The following NACAD variants were observed in gnomAD, a reference collection of about 807,000 sequenced individuals.
NACAD encodes NAC-alpha domain-containing protein 1.
In NACAD, 47 loss-of-function variants were observed where a neutral mutation model predicts 98.9. The observed-to-expected ratio is 0.48, with a 90% CI of 0.38 to 0.61. The LOEUF (loss-of-function observed/expected upper bound fraction) is 0.61. Ranked by LOEUF, NACAD falls within the 20% of genes least tolerant of loss-of-function variation. The probability of loss-of-function intolerance (pLI) is 0.00; values close to 1 mark genes in which losing one functional copy is unlikely to be tolerated. For synonymous variants in NACAD, 696 were observed against 767.2 expected (o/e 0.91, Z 1.53); for missense variants, 1,412 against 1,748.2 (o/e 0.81, Z 3.43).
Position 45,082,378 on chromosome 7 carries a change from G to A in NACAD, c.3802C>T (p.Leu1268=). 6.5e-7 allele frequency: 1 copy of A among 1,550,096 alleles called. No homozygotes were observed. Among genetic ancestry groups the A allele is most frequent in the South Asian group, 1.2e-5 (1 of 84,030 alleles). ...SVEDEEPPGS[L]GLPPPQAGVQ... is the part of the protein sequence containing the mutation. The stretch of plus-strand genomic sequence containing the variant: ...CCTGCCTGGGGCGGTGGGAGGCCCA[G>A]AGAGCCTGGGGGCTCCTCGTCTTCC... The change falls in exon 2 of 8, where the codon CTG becomes TTG. Residue 1268 remains leucine, a synonymous_variant. Transcript: ENST00000490531. This position sits in a 1 kb window ranked among gnomAD's most constrained non-coding sequence, Gnocchi z 4.5.
At chr7:45,080,824 A>G in intron 6 of NACAD, 52 bp downstream of exon 6, 1 of 1,549,118 alleles carries the variant, frequency 6.5e-7, no homozygotes, top group South Asian at 1.2e-5. Context: ...CAGAGCCCCC[A>G]TGTAGCGCCT....
rs775145169 is a variant in NACAD at position 45,083,010 on chromosome 7, C to T, written c.3170G>A (p.Arg1057Gln). The change falls in exon 2 of 8, where the codon CGA (arginine) becomes CAA (glutamine). Residue 1057 changes from arginine to glutamine, a missense_variant. Arg to Gln is a conservative substitution (Grantham distance 43). Around this residue, in one of 5 missense-constraint regions of NACAD, gnomAD observed 572 missense variants for 639.6 expected, o/e 0.89. Transcript: ENST00000490531. ...RPGREACLEA[R>Q]AHTGDGAKPD... Reference sequence around the variant, plus strand: ...CTTAGCCCCATCACCTGTGTGCGCTCGCGCTTCCAGACATGCTTCCCGTCC... The same window carrying T: ...CTTAGCCCCATCACCTGTGTGCGCTTGCGCTTCCAGACATGCTTCCCGTCC... 1.9e-5 allele frequency: 30 copies of T among 1,550,938 alleles called. No homozygotes were observed. Among genetic ancestry groups the T allele is most frequent in the Middle Eastern group, 1.7e-4 (1 of 5,992 alleles).
At position 45,081,097 on chromosome 7, in the gene NACAD, A is replaced by G; in HGVS notation, c.4404+20T>C. ...CCCTATCCCTCGGATCCCCCATTCC[A>G]CCACAGCCGCCACCCAGACCTTGGC... is the stretch of plus-strand genomic sequence containing the variant. On this transcript the variant is annotated intron_variant, in intron 5 of 7. Coordinates refer to ENST00000490531, the MANE Select transcript of NACAD (RefSeq NM_001146334.2). 2 of 1,550,696 alleles carry G rather than the reference A, an allele frequency of 1.3e-6. No individual in the cohort carries two copies. The highest frequency in any genetic ancestry group is 2.7e-5 in the African/African-American group (2 of 72,984).
rs968968046 is a variant in NACAD, at chr7:45,085,124, A to G, written c.1056T>C (p.Gly352=). 1.3e-6 allele frequency: 2 copies of G among 1,549,458 alleles called. No homozygotes were observed. Among genetic ancestry groups the G allele is most frequent in the African/African-American group, 1.4e-5 (1 of 72,726 alleles). Residue 352 remains glycine (G), a synonymous_variant, in exon 2 of 8, where the codon GGT becomes GGC. Coordinates refer to ENST00000490531, the MANE Select transcript of NACAD (RefSeq NM_001146334.2). This position sits in a 1 kb window ranked among gnomAD's most constrained non-coding sequence, Gnocchi z 6.1. ...AGGAGGCAGACGTGCTGTCCTCCTC[A>G]CCCTCCCCAGCCAGGTCCCCACCTG... ...PDPGGDLAGE[G]EEDSTSASFL...
At position 45,082,511 on chromosome 7, in the gene NACAD, C is replaced by T; in HGVS notation, c.3669G>A (p.Arg1223=). 1 of 1,549,670 alleles carries T rather than the reference C, an allele frequency of 6.5e-7. No individual in the cohort carries two copies. Among genetic ancestry groups the T allele is most frequent in the South Asian group, 1.2e-5 (1 of 84,018 alleles). The change falls in exon 2 of 8, where the codon AGG becomes AGA. Residue 1223 remains arginine (R), a synonymous_variant. Coordinates refer to ENST00000490531, the MANE Select transcript of NACAD (RefSeq NM_001146334.2). This position sits in a 1 kb window ranked among gnomAD's most constrained non-coding sequence, Gnocchi z 4.5. ...AKGQPSTPVD[R]PLGPDPSAPG... The stretch of plus-strand genomic sequence containing the variant: ...GAGCAGAAGGGTCAGGGCCCAGGGG[C>T]CTGTCCACGGGCGTGCTGGGCTGAC...
chr7:45,085,674 T>G lies in NACAD; in HGVS notation c.506A>C (p.Asp169Ala), dbSNP rs572905761. 2.8e-4 allele frequency: 431 copies of G among 1,547,418 alleles called. 9 individuals carry two copies. In the South Asian group the frequency reaches 4.6e-3, roughly 17 times the overall value. Residue 169 changes from aspartate (D) to alanine (A), a missense_variant, in exon 2 of 8, where the codon GAC becomes GCC. Coordinates refer to ENST00000490531, the MANE Select transcript of NACAD (RefSeq NM_001146334.2). This position sits in a 1 kb window ranked among gnomAD's most constrained non-coding sequence, Gnocchi z 6.1. The stretch of plus-strand genomic sequence containing the variant: ...GGGAGGCGTGAAGAAGGAATCAGGG[T>G]CTGGGGGAGGGGAAGGCACAGAAAG... Reference protein sequence around the residue: ...GDLSVPSPPPDPDSFFTPPST... With the variant: ...GDLSVPSPPPAPDSFFTPPST...
chr7:45,082,630 G>C lies in NACAD; in HGVS notation c.3550C>G (p.Pro1184Ala). ...TCAACACTGCCCAGACCCAGTACAGGCTCCGGCTGCTGGGAGGTTGGTGCA... is the reference window on the plus strand; with the variant it reads ...TCAACACTGCCCAGACCCAGTACAGCCTCCGGCTGCTGGGAGGTTGGTGCA... Reference protein sequence around the residue: ...TSAPTSQQPEPVLGLGSVEQP... With the variant: ...TSAPTSQQPEAVLGLGSVEQP... The change falls in exon 2 of 8, where the codon CCT becomes GCT. Residue 1184 changes from proline to alanine, a missense_variant. By Grantham distance (27) the Pro-to-Ala change is conservative (BLOSUM62 -1). This residue lies in a region of NACAD where 572 missense variants were observed against 639.6 expected (regional missense o/e 0.89). Coordinates refer to ENST00000490531, the MANE Select transcript of NACAD (RefSeq NM_001146334.2). The surrounding 1 kb of genome is among the most constrained non-coding windows in gnomAD (Gnocchi z 4.5). The C allele has an allele frequency of 2.0e-6, 3 of 1,515,612 alleles. No individual in the cohort carries two copies. Among genetic ancestry groups the C allele is most frequent in the Non-Finnish European group, 2.7e-6 (3 of 1,128,080 alleles). 93.9% of individuals were successfully genotyped at this position (1,515,612 alleles called of 1,614,324 possible). A position where few individuals can be genotyped will look rare whatever the true frequency, so the allele number is the denominator to read the frequency against.
In NACAD at chr7:45,088,104, C is replaced by T. The variant is rs1292199656; in HGVS notation, c.67+724G>A. Among the ~76,000 whole-genome samples the T allele has an allele frequency of 6.6e-6, 1 of 152,154 alleles. No individual in the cohort carries two copies. The highest frequency in any genetic ancestry group is 2.4e-5 in the African/African-American group (1 of 41,434). On this transcript the variant is annotated intron_variant, in intron 1 of 7. Transcript: ENST00000490531. This position sits in a 1 kb window ranked among gnomAD's most constrained non-coding sequence, Gnocchi z 5.7. Reference sequence around the variant, plus strand: ...GTGACTTCTTGCCCACAGCAAGGTGCCCTTGGCCCTACCCACACATGGCTG... The same window carrying T: ...GTGACTTCTTGCCCACAGCAAGGTGTCCTTGGCCCTACCCACACATGGCTG...
Position 45,081,106 on chromosome 7 carries a change from G to A in NACAD, c.4404+11C>T, listed in dbSNP as rs139255715. 7 of 1,551,166 alleles carry A rather than the reference G, an allele frequency of 4.5e-6. No individual in the cohort carries two copies. The highest frequency in any genetic ancestry group is 2.7e-5 in the African/African-American group (2 of 73,126). ...TCGGATCCCCCATTCCACCACAGCC[G>A]CCACCCAGACCTTGGCCTCGCCAAA... On this transcript the variant is annotated intron_variant, in intron 5 of 7. Coordinates refer to ENST00000490531, the MANE Select transcript of NACAD (RefSeq NM_001146334.2).
At position 45,085,358 on chromosome 7, in the gene NACAD, C is replaced by G; in HGVS notation, c.822G>C (p.Pro274=). Residue 274 remains proline (P), a synonymous_variant, in exon 2 of 8, where the codon CCG becomes CCC. Coordinates refer to ENST00000490531, the MANE Select transcript of NACAD (RefSeq NM_001146334.2). This position sits in a 1 kb window ranked among gnomAD's most constrained non-coding sequence, Gnocchi z 6.1. ...CTGCAGAGAGGCTGGACTCAGAGGA[C>G]GGGGGCTCTGGGGTCCCTGCTGGGT... ...ELHPAGTPEP[P]SSESSLSADS... 1 of 1,550,158 alleles carries G rather than the reference C, an allele frequency of 6.5e-7. No individual in the cohort carries two copies. Among genetic ancestry groups the G allele is most frequent in the African/African-American group, 1.4e-5 (1 of 73,170 alleles).
chr7:45,081,477 C>T lies in NACAD; in HGVS notation c.4257+124G>A. The T allele has an allele frequency of 2.3e-6, 3 of 1,326,604 alleles. No homozygotes were observed. The South Asian group carries it at 4.1e-5, about 18-fold the overall frequency. 82.2% of individuals were successfully genotyped at this position (1,326,604 alleles called of 1,614,324 possible). A position where few individuals can be genotyped will look rare whatever the true frequency, so the allele number is the denominator to read the frequency against. Reference sequence around the variant, plus strand: ...TAGGGGAAGGTGTGTGGGTTACTGGCATGGACCCAAAGGTCCCCTGATGGA... The same window carrying T: ...TAGGGGAAGGTGTGTGGGTTACTGGTATGGACCCAAAGGTCCCCTGATGGA... On this transcript the variant is annotated intron_variant, in intron 4 of 7. Transcript: ENST00000490531.
rs745844649 is a variant in NACAD at position 45,084,593 on chromosome 7, C to G, written c.1587G>C (p.Gln529His). The G allele has an allele frequency of 7.7e-6, 12 of 1,551,804 alleles. No homozygotes were observed. In the South Asian group the frequency reaches 1.2e-4, roughly 15 times the overall value. The change falls in exon 2 of 8, where the codon CAG (glutamine) becomes CAC (histidine). Residue 529 changes from glutamine (Q) to histidine (H), a missense_variant. By Grantham distance (24) the Gln-to-His change is conservative (BLOSUM62 0). Around this residue, in one of 5 missense-constraint regions of NACAD, gnomAD observed 638 missense variants for 722.7 expected, o/e 0.88. Transcript: ENST00000490531. The stretch of plus-strand genomic sequence containing the variant: ...GGCCTAAGATCTCGCTGATGCCCTC[C>G]TGGGAGGGCTGAGGCATTGCCATGG... ...SAAMAMPQPS[Q>H]EGISEILGQE...
In NACAD at chr7:45,080,883, T is replaced by C; in HGVS notation, c.4544A>G (p.Glu1515Gly). The C allele has an allele frequency of 6.4e-7, 1 of 1,557,156 alleles. No homozygotes were observed. The highest frequency in any genetic ancestry group is 1.2e-5 in the South Asian group (1 of 84,540). Residue 1515 changes from glutamate (E) to glycine (G), a missense_variant, in exon 6 of 8, where the codon GAG (glutamate) becomes GGG (glycine). By Grantham distance (98) the Glu-to-Gly change is moderately conservative. This residue lies in a region of NACAD where 88 missense variants were observed against 105.4 expected (regional missense o/e 0.84). Coordinates refer to ENST00000490531, the MANE Select transcript of NACAD (RefSeq NM_001146334.2). ...GGAGCCCCTGCACTTCACCTCTTCCTCCTCCTCCTCTTCCTCTTCCTTGCA... is the reference window on the plus strand; with the variant it reads ...GGAGCCCCTGCACTTCACCTCTTCCCCCTCCTCCTCTTCCTCTTCCTTGCA... ...LECKEEEEEEEEEVDEAGLEL... is the reference protein window; with the variant it reads ...LECKEEEEEEGEEVDEAGLEL...
Position 45,088,705 on chromosome 7 carries a change from G to C in NACAD, c.67+123C>G. 1 of 719,002 alleles carries C rather than the reference G, an allele frequency of 1.4e-6. No individual in the cohort carries two copies. Among genetic ancestry groups the C allele is most frequent in the East Asian group, 3.4e-5 (1 of 29,144 alleles). 44.5% of individuals were successfully genotyped at this position (719,002 alleles called of 1,614,324 possible). A position where few individuals can be genotyped will look rare whatever the true frequency, so the allele number is the denominator to read the frequency against. On this transcript the variant is annotated intron_variant, in intron 1 of 7. Coordinates refer to ENST00000490531, the MANE Select transcript of NACAD (RefSeq NM_001146334.2). This position sits in a 1 kb window ranked among gnomAD's most constrained non-coding sequence, Gnocchi z 5.7. ...TGGAGGGAAGGACAGGGCGCGGAAA[G>C]GGGAGGGGACTCGAGGGGGGCCAGG...
In NACAD at chr7:45,085,841, G is replaced by A. The variant is rs2128641408; in HGVS notation, c.339C>T (p.Ala113=). ...QALSTEAPLP[A]TLEPRIVMGE... ...CCATCACAATCCGGGGCTCCAGGGTGGCCGGGAGAGGAGCCTCCGTGGACA... is the reference window on the plus strand; with the variant it reads ...CCATCACAATCCGGGGCTCCAGGGTAGCCGGGAGAGGAGCCTCCGTGGACA... The change falls in exon 2 of 8, where the codon GCC becomes GCT. Residue 113 remains alanine (A), a synonymous_variant. Transcript: ENST00000490531. The surrounding 1 kb of genome is among the most constrained non-coding windows in gnomAD (Gnocchi z 6.1). 1.3e-6 allele frequency: 2 copies of A among 1,542,456 alleles called. No homozygotes were observed. Among genetic ancestry groups the A allele is most frequent in the East Asian group, 4.9e-5 (2 of 40,830 alleles).
chr7:45,086,565 T>C (rs9639908), intron 1 of NACAD, among the ~76,000 whole-genome samples: 80,871 of 152,122 alleles, frequency 0.53, 22,985 homozygotes, highest in African/African-American at 0.74. Flanking sequence ...ATGAGGCAGG[T>C]GGCACCAGCA....
In NACAD at chr7:45,082,605, T is replaced by A. The variant is rs1005631987; in HGVS notation, c.3575A>T (p.Glu1192Val). The change falls in exon 2 of 8, where the codon GAG (glutamate) becomes GTG (valine). Residue 1192 changes from glutamate to valine, a missense_variant. By Grantham distance (121) the Glu-to-Val change is moderately radical. Coordinates refer to ENST00000490531, the MANE Select transcript of NACAD (RefSeq NM_001146334.2). This position sits in a 1 kb window ranked among gnomAD's most constrained non-coding sequence, Gnocchi z 4.5. Reference sequence around the variant, plus strand: ...GACACTGGGTACTTCGTGGGGTTGCTCAACACTGCCCAGACCCAGTACAGG... The same window carrying A: ...GACACTGGGTACTTCGTGGGGTTGCACAACACTGCCCAGACCCAGTACAGG... ...PEPVLGLGSV[E>V]QPHEVPSVLG... is the part of the protein sequence containing the mutation. The A allele has an allele frequency of 1.9e-5, 29 of 1,535,564 alleles. No homozygotes were observed. The highest frequency in any genetic ancestry group is 2.3e-5 in the Non-Finnish European group (26 of 1,139,202).
rs1210554925 is a variant in NACAD at position 45,088,511 on chromosome 7, G to A, written c.67+317C>T. Among the ~76,000 whole-genome samples, 2 of 152,224 alleles carry A rather than the reference G, an allele frequency of 1.3e-5. No homozygotes were observed. Among genetic ancestry groups the A allele is most frequent in the African/African-American group, 4.8e-5 (2 of 41,470 alleles). ...GTCCAGAGCGGCCCAGCCCCAGCAG[G>A]CTGGCAGCTCGGTGCAAACAACGGG... On this transcript the variant is annotated intron_variant, in intron 1 of 7. Coordinates refer to ENST00000490531, the MANE Select transcript of NACAD (RefSeq NM_001146334.2). This position sits in a 1 kb window ranked among gnomAD's most constrained non-coding sequence, Gnocchi z 5.7.
chr7:45,088,875 CG>C lies in NACAD; in HGVS notation c.19del (p.Arg7AlafsTer39). MPGEAA[R>X]AELLLPEADR... ...CGCCTCGGGCAGCAGCAGCTCGGCG[CG>C]GGCAGCCTCCCCAGGCATGGCCTGG... On this transcript the variant is annotated frameshift_variant, in exon 1 of 8. Coordinates refer to ENST00000490531, the MANE Select transcript of NACAD (RefSeq NM_001146334.2). LOFTEE classifies it high-confidence loss of function. The surrounding 1 kb of genome is among the most constrained non-coding windows in gnomAD (Gnocchi z 5.7). 6.7e-7 allele frequency: 1 copy of C among 1,484,960 alleles called. No homozygotes were observed. Among genetic ancestry groups the C allele is most frequent in the Non-Finnish European group, 8.9e-7 (1 of 1,122,318 alleles). 92.0% of individuals were successfully genotyped at this position (1,484,960 alleles called of 1,614,324 possible).
Sources: allele counts gnomAD v4.1 joint callset (sites outside exome capture counted in the v4.1 genomes callset), GRCh38; gene constraint gnomAD v4.1.1; regional missense constraint gnomAD v4.1.1; non-coding constraint Gnocchi (gnomAD v3.1); transcripts MANE v1.5; gene names NCBI Gene and HGNC (gene_info 2026-07-23, HGNC 2026-07-21).